The following RIMS2 variants were observed in gnomAD, a reference collection of about 807,000 sequenced individuals.
RIMS2 encodes the protein regulating synaptic membrane exocytosis protein 2.
RIMS2 carries 59 observed loss-of-function variants against 174.4 expected under a neutral mutation model. The ratio of observed to expected loss-of-function variants is 0.34; its 90% confidence interval spans 0.27 to 0.42. The LOEUF (loss-of-function observed/expected upper bound fraction) is 0.42. Among genes scored for constraint, RIMS2 ranks in the 10% least tolerant of loss-of-function variants. The pLI, the probability that RIMS2 is intolerant of heterozygous loss-of-function variation, is 1.00. For missense variants in RIMS2, 1,620 were observed against 1,666.3 expected, an observed-to-expected ratio of 0.97 and a Z score of 0.48; for synonymous variants, 606 against 572.5, an observed-to-expected ratio of 1.06 and a Z score of -0.84.
chr8:103,696,680 A>G (rs572173098), intron 1 of RIMS2, among the ~76,000 whole-genome samples: 15 of 151,968 alleles, frequency 9.9e-5, no homozygotes, highest in Non-Finnish European at 2.1e-4. Flanking sequence ...CGGCCTGGCC[A>G]TGGCGAAACT....
chr8:103,829,239 T>C lies in RIMS2; in HGVS notation c.699-56059T>C, dbSNP rs2098810885. Among the ~76,000 whole-genome samples, 3 of 152,082 alleles carry C rather than the reference T, an allele frequency of 2.0e-5. No individual in the cohort carries two copies. In the South Asian group the frequency reaches 6.2e-4, roughly 32 times the overall value. On this transcript the variant is annotated intron_variant, in intron 3 of 23. Transcript: ENST00000504942. ...ATGGCTATTATTAAAAAGTCAACAATAGCAGATGCTGGCAAGGTTGTGAAG... is the reference window on the plus strand; with the variant it reads ...ATGGCTATTATTAAAAAGTCAACAACAGCAGATGCTGGCAAGGTTGTGAAG...
At chr8:103,658,544 T>C (rs984815311) in intron 1 of RIMS2, among the ~76,000 whole-genome samples, 4 of 152,210 alleles carry the variant, frequency 2.6e-5, no homozygotes, top group Non-Finnish European at 4.4e-5. Flanking sequence ...GCTGTTTTTT[T>C]CCAAAGATCA....
At chr8:104,086,599 A>C (rs1393036938) in intron 19 of RIMS2, among the ~76,000 whole-genome samples, 2 of 152,040 alleles carry the variant, frequency 1.3e-5, no homozygotes, top group Non-Finnish European at 1.5e-5. Context: ...AGGAAAAATT[A>C]TTCACCTCAT....
chr8:103,763,912 C>G (rs1591892136), intron 2 of RIMS2, among the ~76,000 whole-genome samples: 1 of 152,100 alleles, frequency 6.6e-6, no homozygotes, highest in Non-Finnish European at 1.5e-5. Context: ...TACTTGTAAC[C>G]CATTTAACAT....
At chr8:104,111,938 A>G (rs1240840649) in intron 19 of RIMS2, among the ~76,000 whole-genome samples, 2 of 152,058 alleles carry the variant, frequency 1.3e-5, no homozygotes, top group Non-Finnish European at 2.9e-5. Flanking sequence ...GCTCTATCCT[A>G]TTCTTGCCAT....
At chr8:103,841,742 A>G (rs2098940867) in intron 3 of RIMS2, among the ~76,000 whole-genome samples, 2 of 152,076 alleles carry the variant, frequency 1.3e-5, no homozygotes, top group Non-Finnish European at 1.5e-5. Flanking sequence ...CCATTAAGAA[A>G]TAGCTTTACA....
chr8:103,785,197 C>T (rs1305724088), intron 3 of RIMS2, among the ~76,000 whole-genome samples: 2 of 146,802 alleles, frequency 1.4e-5, no homozygotes, highest in Non-Finnish European at 3.0e-5. Context: ...TCTAGATATA[C>T]AATCATGTCA....
At chr8:104,249,845 A>T (rs534583891) in intron 22 of RIMS2, among the ~76,000 whole-genome samples, 1 of 152,092 alleles carries the variant, frequency 6.6e-6, no homozygotes, top group African/African-American at 2.4e-5. Flanking sequence ...AAACCACCCC[A>T]CTTAGATCAT....
At chr8:103,938,054 C>T (rs1238664163) in intron 13 of RIMS2, among the ~76,000 whole-genome samples, 2 of 152,132 alleles carry the variant, frequency 1.3e-5, no homozygotes, top group East Asian at 3.9e-4. Flanking sequence ...ATCATCTTGC[C>T]CAGTCTCATA....
At chr8:104,159,662 T>C (rs1460018649) in intron 19 of RIMS2, among the ~76,000 whole-genome samples, 1 of 152,208 alleles carries the variant, frequency 6.6e-6, no homozygotes. Flanking sequence ...TGGATTTGCA[T>C]TTCCCTAATG....
At chr8:103,901,569 C>T (rs982083333) in intron 4 of RIMS2, among the ~76,000 whole-genome samples, 1 of 152,086 alleles carries the variant, frequency 6.6e-6, no homozygotes, top group East Asian at 1.9e-4. Flanking sequence ...ACTTGTCTAT[C>T]TTTCTAGAAT....
At chr8:103,741,144 T>C (rs968143188) in intron 2 of RIMS2, among the ~76,000 whole-genome samples, 8 of 152,132 alleles carry the variant, frequency 5.3e-5, no homozygotes, top group Non-Finnish European at 1.2e-4. Flanking sequence ...TAATTAAATA[T>C]AAGACATAAA....
intron 1 of RIMS2, among the ~76,000 whole-genome samples, chr8:103,660,273 G>A (rs1159123755): frequency 6.6e-6 from 1 of 152,230 alleles, no homozygotes; most frequent in African/African-American, 2.4e-5. Flanking sequence ...TGCTTGCCGT[G>A]CCCTGCAGTA....
chr8:104,195,766 A>G (rs1299569630), intron 19 of RIMS2, among the ~76,000 whole-genome samples: 3 of 151,822 alleles, frequency 2.0e-5, no homozygotes, highest in East Asian at 1.9e-4. Flanking sequence ...GCCCACCTCA[A>G]CCTCCCAAAG....
intron 1 of RIMS2, among the ~76,000 whole-genome samples, chr8:103,589,844 T>C (rs1407042181): frequency 3.3e-5 from 5 of 151,344 alleles, no homozygotes; most frequent in Non-Finnish European, 7.4e-5. Context: ...AAGAGAAACA[T>C]CATGTATTCT....
intron 3 of RIMS2, among the ~76,000 whole-genome samples, chr8:103,802,239 T>C (rs1370472191): frequency 6.6e-6 from 1 of 152,148 alleles, no homozygotes; most frequent in Non-Finnish European, 1.5e-5. Flanking sequence ...ATTAACAACA[T>C]AAAATTTAAT....
intron 14 of RIMS2, among the ~76,000 whole-genome samples, chr8:103,956,628 G>T (rs2087319121): frequency 6.6e-6 from 1 of 152,064 alleles, no homozygotes; most frequent in Non-Finnish European, 1.5e-5. Flanking sequence ...TTAAACATAA[G>T]ACCTAAAACC....
chr8:103,588,509 T>C (rs1342474909), intron 1 of RIMS2, among the ~76,000 whole-genome samples: 8 of 151,950 alleles, frequency 5.3e-5, no homozygotes, highest in Non-Finnish European at 1.5e-5. Context: ...CTTCAAATTA[T>C]AGTATACAGA....
At chr8:103,787,858 C>A (rs945182923) in intron 3 of RIMS2, among the ~76,000 whole-genome samples, 1 of 152,110 alleles carries the variant, frequency 6.6e-6, no homozygotes, top group Admixed American at 6.5e-5. Flanking sequence ...TAATATCCTG[C>A]AGAGTGTTTT....
Sources: gnomAD v4.1 joint callset for allele counts (sites outside exome capture counted in the v4.1 genomes callset) on GRCh38, gnomAD v4.1.1 for gene constraint, MANE v1.5 for transcripts, NCBI Gene and HGNC (gene_info 2026-07-23, HGNC 2026-07-21) for gene names.